GRID2: variants seen among roughly 807,000 people sequenced by gnomAD.
The protein encoded by GRID2 is glutamate receptor ionotropic, delta-2.
A neutral mutation model predicts 114.8 loss-of-function variants in GRID2; 33 were observed. The ratio of observed to expected loss-of-function variants is 0.29; its 90% CI spans 0.22 to 0.38. GRID2 has a LOEUF of 0.38. Among genes scored for constraint, GRID2 ranks in the 10% least tolerant of loss-of-function variants. The pLI is 1.00. For synonymous variants in GRID2, 505 were observed against 449.9 expected, an observed-to-expected ratio of 1.12 and a Z score of -1.55; for missense variants, 1,184 against 1,257.7, an observed-to-expected ratio of 0.94 and a Z score of 0.89.
At chr4:92,862,562 T>A (rs1744600212) in intron 2 of GRID2, among the ~76,000 whole-genome samples, 1 of 152,086 alleles carries the variant, frequency 6.6e-6, no homozygotes, top group African/African-American at 2.4e-5. Context: ...AATGTATCAC[T>A]ATTTGTAAAG....
At chr4:92,815,075 CTT>C (rs1216849619) in intron 2 of GRID2, among the ~76,000 whole-genome samples, 1 of 152,078 alleles carries the variant, frequency 6.6e-6, no homozygotes, top group Non-Finnish European at 1.5e-5. Context: ...TTTATTGACT[CTT>C]TGAACAAATC....
chr4:92,668,803 T>C (rs1290435598), intron 2 of GRID2, among the ~76,000 whole-genome samples: 1 of 151,896 alleles, frequency 6.6e-6, no homozygotes, highest in African/African-American at 2.4e-5. Context: ...TGCTTACTTA[T>C]GCATAAATAT....
chr4:93,463,893 G>T (rs944286024), intron 11 of GRID2, among the ~76,000 whole-genome samples: 1 of 152,142 alleles, frequency 6.6e-6, no homozygotes, highest in Non-Finnish European at 1.5e-5. Flanking sequence ...GGAGGCTGAG[G>T]CAGGAGAATG....
chr4:92,474,044 T>C (rs907453263), intron 1 of GRID2, among the ~76,000 whole-genome samples: 1 of 151,272 alleles, frequency 6.6e-6, no homozygotes, highest in Non-Finnish European at 1.5e-5. Flanking sequence ...TAAGGTCTAT[T>C]CTCTTAGCAA....
intron 14 of GRID2, among the ~76,000 whole-genome samples, chr4:93,676,196 T>A (rs1399023969): frequency 6.6e-6 from 1 of 152,238 alleles, no homozygotes; most frequent in Non-Finnish European, 1.5e-5. Flanking sequence ...GACCTGTAAC[T>A]TTGAACAAAC....
At chr4:93,042,844 C>T (rs1578832130) in intron 2 of GRID2, among the ~76,000 whole-genome samples, 1 of 151,368 alleles carries the variant, frequency 6.6e-6, no homozygotes, top group Non-Finnish European at 1.5e-5. Context: ...CATAACTTTA[C>T]TTCACTAGAT....
rs115910841 is a variant in GRID2 at position 93,137,323 on chromosome 4, A to G, written c.735+26370A>G. ...TCAAATAAATATTTGAATAATTTTTATAGGCATTATTATGATTACTATGCA... is the reference window on the plus strand; with the variant it reads ...TCAAATAAATATTTGAATAATTTTTGTAGGCATTATTATGATTACTATGCA... On this transcript the variant is annotated intron_variant, in intron 4 of 15. Transcript: ENST00000282020. Among the ~76,000 whole-genome samples the G allele has an allele frequency of 2.1e-3, 324 of 152,300 alleles. 2 individuals are homozygous for G. The highest frequency in any genetic ancestry group is 7.6e-3 in the African/African-American group (314 of 41,576).
At chr4:92,826,310 T>C (rs1741693948) in intron 2 of GRID2, among the ~76,000 whole-genome samples, 1 of 152,120 alleles carries the variant, frequency 6.6e-6, no homozygotes, top group South Asian at 2.1e-4. Context: ...CCTAAGACTC[T>C]TTTGCTCTTT....
chr4:93,784,211 G>A (rs938248783), intron 1 of GRID2, among the ~76,000 whole-genome samples: 1 of 150,760 alleles, frequency 6.6e-6, no homozygotes, highest in Non-Finnish European at 1.5e-5. Context: ...TGGAAGCCTT[G>A]TAGTAAGTCT....
intron 14 of GRID2, among the ~76,000 whole-genome samples, chr4:93,752,023 C>A (rs1732365769): frequency 6.6e-6 from 1 of 151,348 alleles, no homozygotes; most frequent in African/African-American, 2.4e-5. Flanking sequence ...CCTTAGGCAG[C>A]ACTGTGTTTG....
At chr4:93,254,109 T>C (rs1245364610) in intron 8 of GRID2, among the ~76,000 whole-genome samples, 3 of 152,134 alleles carry the variant, frequency 2.0e-5, no homozygotes, top group East Asian at 1.9e-4. Flanking sequence ...ATGGAGATGC[T>C]CTTTTTGAGT....
intron 2 of GRID2, among the ~76,000 whole-genome samples, chr4:92,622,295 C>A (rs1483366570): frequency 1.3e-5 from 2 of 151,572 alleles, no homozygotes; most frequent in Non-Finnish European, 3.0e-5. Context: ...ATGGATGTTG[C>A]TTTACTGTTT....
intron 13 of GRID2, among the ~76,000 whole-genome samples, chr4:93,525,424 CA>C (rs1330982624): frequency 4.6e-5 from 7 of 152,156 alleles, no homozygotes; most frequent in Middle Eastern, 6.8e-3. Context: ...GCTTGTGGAA[CA>C]AAGACACCTA....
intron 1 of GRID2, among the ~76,000 whole-genome samples, chr4:92,448,319 T>C (rs867338847): frequency 1.8e-4 from 27 of 152,126 alleles, no homozygotes; most frequent in Admixed American, 5.2e-4. Flanking sequence ...GGACTATAGG[T>C]ACATGCCACC....
intron 11 of GRID2, among the ~76,000 whole-genome samples, chr4:93,482,698 TAATA>T (rs752365549): frequency 2.6e-5 from 4 of 151,896 alleles, no homozygotes; most frequent in East Asian, 3.9e-4. Flanking sequence ...ACTTAAAGTA[TAATA>T]AATAAATAAA....
chr4:92,381,309 A>T (rs34799717), intron 1 of GRID2, among the ~76,000 whole-genome samples: 2 of 151,686 alleles, frequency 1.3e-5, no homozygotes, highest in Non-Finnish European at 1.5e-5. Context: ...TTGAAATTCT[A>T]TATCACCTCG....
intron 2 of GRID2, among the ~76,000 whole-genome samples, chr4:92,649,863 G>A (rs1731839353): frequency 6.6e-6 from 1 of 151,854 alleles, no homozygotes; most frequent in South Asian, 2.1e-4. Flanking sequence ...TCTTCGACTG[G>A]TGATCTTATG....
chr4:93,223,969 C>T (rs1745185212), intron 6 of GRID2, among the ~76,000 whole-genome samples: 1 of 152,098 alleles, frequency 6.6e-6, no homozygotes, highest in African/African-American at 2.4e-5. Flanking sequence ...TGTAAACACA[C>T]ATTCACAAAC....
chr4:93,650,072 C>T (rs1232559554), intron 14 of GRID2, among the ~76,000 whole-genome samples: 1 of 152,074 alleles, frequency 6.6e-6, no homozygotes, highest in Non-Finnish European at 1.5e-5. Flanking sequence ...TCTGTGAGGG[C>T]CTTGATTCCT....
Sources: allele counts gnomAD v4.1 joint callset (sites outside exome capture counted in the v4.1 genomes callset), GRCh38; gene constraint gnomAD v4.1.1; transcripts MANE v1.5; gene names NCBI Gene and HGNC (gene_info 2026-07-23, HGNC 2026-07-21).